MTA3: variants seen among roughly 807,000 people sequenced by gnomAD.
MTA3 encodes metastasis associated 1 family member 3.
MTA3 carries 34 observed loss-of-function variants against 83.5 expected under a neutral mutation model. The ratio of observed to expected loss-of-function variants is 0.41; its 90% CI spans 0.31 to 0.54. The LOEUF is 0.54. MTA3 is among the 20% of genes least tolerant of loss of function. The probability of loss-of-function intolerance (pLI) is 0.33; values close to 1 mark genes in which losing one functional copy is unlikely to be tolerated. For missense variants in MTA3, 761 were observed against 726.4 expected, an observed-to-expected ratio of 1.05 and a Z score of -0.55; for synonymous variants, 303 against 252.7, an observed-to-expected ratio of 1.20 and a Z score of -1.89.
At chr2:42,720,783 A>G (rs1032321487) in intron 15 of MTA3, among the ~76,000 whole-genome samples, 1 of 151,836 alleles carries the variant, frequency 6.6e-6, no homozygotes, top group Non-Finnish European at 1.5e-5. Flanking sequence ...CCCTGTCTCT[A>G]CCAAAAATAC....
chr2:42,518,438 C>T (rs1470395563), intron 2 of MTA3, among the ~76,000 whole-genome samples: 1 of 152,206 alleles, frequency 6.6e-6, no homozygotes, highest in Non-Finnish European at 1.5e-5. Context: ...ACCGAAAGAG[C>T]TTCCCATGGC....
intron 2 of MTA3, among the ~76,000 whole-genome samples, chr2:42,515,786 C>T (rs903528280): frequency 9.9e-5 from 15 of 151,670 alleles, no homozygotes; most frequent in Non-Finnish European, 5.9e-5. Context: ...AGGCGTGAAC[C>T]ACCGTGCCCA....
rs150511391 is a variant in MTA3 at position 42,525,723 on chromosome 2, T to A, written c.-141+30469T>A. On this transcript the variant is annotated intron_variant, in intron 2 of 17. Transcript: ENST00000405592. ...TCCAGGCAGGAGCACAGTGGCACAA[T>A]CTCGGCTCACTGTAACCTCTGCCTC... Among the ~76,000 whole-genome samples, 267 of 151,904 alleles carry A rather than the reference T, an allele frequency of 1.8e-3. 4 individuals carry two copies. In the East Asian group the frequency reaches 0.022, roughly 12 times the overall value.
In MTA3 at chr2:42,549,193, T is replaced by C. The variant is rs376564139; in HGVS notation, c.-140-21244T>C. Among the ~76,000 whole-genome samples, 64 of 136,776 alleles carry C rather than the reference T, an allele frequency of 4.7e-4. 2 individuals carry two copies. The East Asian group carries it at 0.013, about 27-fold the overall frequency. 89.7% of individuals were successfully genotyped at this position (136,776 alleles called of 152,430 possible). The stretch of plus-strand genomic sequence containing the variant: ...CATCTTAAAATATATATATAATATA[T>C]ATATGTATATAATATATTATATTTG... On this transcript the variant is annotated intron_variant, in intron 2 of 17. Transcript: ENST00000405592.
At chr2:42,652,047 A>G (rs1284320100) in intron 6 of MTA3, among the ~76,000 whole-genome samples, 1 of 152,156 alleles carries the variant, frequency 6.6e-6, no homozygotes, top group Non-Finnish European at 1.5e-5. Flanking sequence ...CAGTGAGCCA[A>G]GATCACGGCA....
chr2:42,705,710 C>A (rs573670007), intron 12 of MTA3, among the ~76,000 whole-genome samples: 2 of 151,942 alleles, frequency 1.3e-5, no homozygotes, highest in African/African-American at 4.8e-5. Context: ...CGTCTCCCCC[C>A]CGCCCCCAAA....
At chr2:42,588,839 A>G (rs1450128011) in intron 3 of MTA3, among the ~76,000 whole-genome samples, 1 of 152,132 alleles carries the variant, frequency 6.6e-6, no homozygotes, top group Non-Finnish European at 1.5e-5. Context: ...AATTTTCAAC[A>G]GGTTTATATA....
chr2:42,542,099 A>G (rs1242902187), intron 2 of MTA3, among the ~76,000 whole-genome samples: 1 of 152,126 alleles, frequency 6.6e-6, no homozygotes, highest in African/African-American at 2.4e-5. Context: ...TTCTTTGCAA[A>G]TGGGTTTGCT....
At chr2:42,605,253 C>T (rs1380729410) in intron 3 of MTA3, among the ~76,000 whole-genome samples, 6 of 97,470 alleles carry the variant, frequency 6.2e-5, no homozygotes, top group East Asian at 7.1e-4. Flanking sequence ...GGCGGCTGGC[C>T]GGGCGGGGGG....
At chr2:42,648,023 C>G (rs1688377701) in intron 6 of MTA3, among the ~76,000 whole-genome samples, 1 of 152,080 alleles carries the variant, frequency 6.6e-6, no homozygotes, top group Non-Finnish European at 1.5e-5. Flanking sequence ...GTATTTTTAG[C>G]AGGGACAGGG....
At chr2:42,637,143 C>G (rs1255385207) in intron 4 of MTA3, among the ~76,000 whole-genome samples, 1 of 152,188 alleles carries the variant, frequency 6.6e-6, no homozygotes, top group Non-Finnish European at 1.5e-5. Context: ...CCTGCGCAGT[C>G]TCTGAAACAG....
At chr2:42,705,458 A>T (rs1421405893) in intron 12 of MTA3, among the ~76,000 whole-genome samples, 1 of 152,198 alleles carries the variant, frequency 6.6e-6, no homozygotes, top group East Asian at 1.9e-4. Flanking sequence ...TAATCCCAGC[A>T]CTTTGGGAGG....
intron 8 of MTA3, among the ~76,000 whole-genome samples, chr2:42,677,477 G>A (rs1032914251): frequency 6.6e-6 from 1 of 152,048 alleles, no homozygotes; most frequent in Admixed American, 6.6e-5. Context: ...TGAGTAGCTG[G>A]GATTACAGGC....
chr2:42,610,138 C>T (rs1179684932), intron 4 of MTA3, among the ~76,000 whole-genome samples: 10 of 152,058 alleles, frequency 6.6e-5, no homozygotes, highest in Non-Finnish European at 7.4e-5. Flanking sequence ...CAATAAAAAT[C>T]GGGCCTTTCC....
intron 3 of MTA3, among the ~76,000 whole-genome samples, chr2:42,583,774 T>C (rs1222784885): frequency 6.6e-6 from 1 of 151,812 alleles, no homozygotes; most frequent in Non-Finnish European, 1.5e-5. Flanking sequence ...CAAGTGATCC[T>C]CTTGCCTTGG....
At chr2:42,690,987 C>G (rs951266589) in intron 9 of MTA3, among the ~76,000 whole-genome samples, 1 of 152,044 alleles carries the variant, frequency 6.6e-6, no homozygotes, top group Non-Finnish European at 1.5e-5. Context: ...AGTGATTCTC[C>G]TGCCTCAGCC....
chr2:42,534,109 C>T (rs972081412), intron 2 of MTA3, among the ~76,000 whole-genome samples: 16 of 152,066 alleles, frequency 1.1e-4, no homozygotes, highest in African/African-American at 3.9e-4. Flanking sequence ...TCAGAAGCAG[C>T]TGAAATGGAG....
chr2:42,737,796 T>C (rs757797574), intron 16 of MTA3, among the ~76,000 whole-genome samples: 9 of 152,200 alleles, frequency 5.9e-5, no homozygotes, highest in Non-Finnish European at 1.2e-4. Context: ...GGATCTAAAC[T>C]CCAAATCTAG....
upstream of MTA3, among the ~76,000 whole-genome samples, chr2:42,567,450 C>T (rs1215351543): frequency 6.6e-6 from 1 of 152,178 alleles, no homozygotes; most frequent in Admixed American, 6.5e-5. Context: ...CACCTCTTAG[C>T]CCCGCACAGA....
Sources: allele counts gnomAD v4.1 joint callset (sites outside exome capture counted in the v4.1 genomes callset), GRCh38; gene constraint gnomAD v4.1.1; transcripts MANE v1.5; gene names NCBI Gene and HGNC (gene_info 2026-07-23, HGNC 2026-07-21).